HTR4: variants seen among roughly 807,000 people sequenced by gnomAD.
HTR4 encodes 5-hydroxytryptamine (serotonin) receptor 4, G protein-coupled.
Under a neutral mutation model 36.8 loss-of-function variants are expected in HTR4, and 16 were observed. The observed-to-expected ratio is 0.43, with a 90% CI of 0.29 to 0.66. The LOEUF (loss-of-function observed/expected upper bound fraction) is 0.66, where lower values mean the gene tolerates loss of function less well. Ranked by LOEUF, HTR4 falls within the 30% of genes least tolerant of loss-of-function variation. The pLI, the probability that HTR4 is intolerant of heterozygous loss-of-function variation, is 0.13. For missense variants in HTR4, 438 were observed against 490.9 expected (o/e 0.89, Z 1.02); for synonymous variants, 189 against 185.1 (o/e 1.02, Z -0.17).
intron 2 of HTR4, among the ~76,000 whole-genome samples, chr5:148,563,820 C>A (rs1164422120): frequency 1.3e-5 from 2 of 152,156 alleles, no homozygotes; most frequent in African/African-American, 4.8e-5. Context: ...AATACTACAT[C>A]ATTCTATATC....
chr5:148,536,978 G>A (rs1047336330), intron 4 of HTR4, among the ~76,000 whole-genome samples: 2 of 152,010 alleles, frequency 1.3e-5, no homozygotes, highest in African/African-American at 2.4e-5. Context: ...AATCAATCAC[G>A]TAATTGGACA....
chr5:148,534,759 G>A (rs1267014462), intron 4 of HTR4, among the ~76,000 whole-genome samples: 1 of 152,002 alleles, frequency 6.6e-6, no homozygotes, highest in East Asian at 1.9e-4. Context: ...TTCAGTCTGG[G>A]CTGACTGCAC....
chr5:148,582,260 A>T (rs1255613431), intron 2 of HTR4, among the ~76,000 whole-genome samples: 1 of 152,038 alleles, frequency 6.6e-6, no homozygotes, highest in East Asian at 1.9e-4. Flanking sequence ...AGGGTTTTAT[A>T]CATATAAGAT....
chr5:148,648,962 C>A (rs1338945067), intron 1 of HTR4, among the ~76,000 whole-genome samples: 1 of 152,052 alleles, frequency 6.6e-6, no homozygotes, highest in East Asian at 1.9e-4. Context: ...TCAATAAATC[C>A]TAATTTTTTG....
chr5:148,548,067 G>C (rs1329761991), intron 4 of HTR4, among the ~76,000 whole-genome samples: 1 of 152,106 alleles, frequency 6.6e-6, no homozygotes, highest in African/African-American at 2.4e-5. Flanking sequence ...AAAATCATTA[G>C]GTCCCCTGAA....
chr5:148,527,861 G>A lies in HTR4; in HGVS notation c.354-4515C>T, dbSNP rs140655761. On this transcript the variant is annotated intron_variant, in intron 4 of 6. Coordinates refer to ENST00000377888, the MANE Select transcript of HTR4 (RefSeq NM_000870.7). ...ATTCCTGGCCTCAAGTGATTCACCC[G>A]CCTTAGTCTCCCAAAGTGCTGTCAT... Among the ~76,000 whole-genome samples the A allele has an allele frequency of 1.5e-3, 232 of 152,200 alleles. 1 individual carries two copies. The highest frequency in any genetic ancestry group is 4.5e-3 in the African/African-American group (188 of 41,552).
chr5:148,530,903 T>A (rs375919709), intron 4 of HTR4, among the ~76,000 whole-genome samples: 1 of 152,246 alleles, frequency 6.6e-6, no homozygotes, highest in South Asian at 2.1e-4. Flanking sequence ...GGAGATCATT[T>A]TGGAGCTTTA....
At chr5:148,569,594 T>A (rs540328573) in intron 2 of HTR4, among the ~76,000 whole-genome samples, 1 of 151,552 alleles carries the variant, frequency 6.6e-6, no homozygotes, top group South Asian at 2.1e-4. Context: ...ATTATATTTA[T>A]CTTATTTATT....
intron 5 of HTR4, among the ~76,000 whole-genome samples, chr5:148,453,384 G>A (rs568525671): frequency 6.6e-6 from 1 of 152,324 alleles, no homozygotes; most frequent in Non-Finnish European, 1.5e-5. Flanking sequence ...TAATACTGCA[G>A]AGCATTCTTT....
intron 4 of HTR4, among the ~76,000 whole-genome samples, chr5:148,534,109 C>T (rs994822007): frequency 6.6e-6 from 1 of 152,150 alleles, no homozygotes; most frequent in Admixed American, 6.5e-5. Context: ...GCTTAAGCTG[C>T]TGAGTTTTGA....
At chr5:148,648,081 A>C (rs886433368) in intron 1 of HTR4, among the ~76,000 whole-genome samples, 1 of 152,216 alleles carries the variant, frequency 6.6e-6, no homozygotes, top group Non-Finnish European at 1.5e-5. Context: ...TAAAATGATA[A>C]TTATAGAATC....
chr5:148,636,713 A>G (rs1175127844), intron 2 of HTR4, among the ~76,000 whole-genome samples: 3 of 152,194 alleles, frequency 2.0e-5, no homozygotes, highest in African/African-American at 7.2e-5. Flanking sequence ...CTTTCTTCCT[A>G]TTACAGAGAT....
chr5:148,626,286 T>C (rs1427069731), intron 2 of HTR4, among the ~76,000 whole-genome samples: 1 of 152,238 alleles, frequency 6.6e-6, no homozygotes, highest in Non-Finnish European at 1.5e-5. Context: ...GGACAAGCCA[T>C]CAGAACATTC....
rs1230372213 is a variant in HTR4 at position 148,534,789 on chromosome 5, ATC to A, written c.354-11445_354-11444del. Among the ~76,000 whole-genome samples, 6 of 152,050 alleles carry A rather than the reference ATC, an allele frequency of 3.9e-5. No individual in the cohort carries two copies. In the East Asian group the frequency reaches 1.2e-3, roughly 29 times the overall value. ...CTGCACTGAGCAATTCCTGACCTCA[ATC>A]TCTCTGGGGTGGAGCCTCCAAGAGA... is the stretch of plus-strand genomic sequence containing the variant. On this transcript the variant is annotated intron_variant, in intron 4 of 6. Transcript: ENST00000377888.
At chr5:148,590,160 C>A in intron 2 of HTR4, among the ~76,000 whole-genome samples, 1 of 152,094 alleles carries the variant, frequency 6.6e-6, no homozygotes, top group Non-Finnish European at 1.5e-5. Flanking sequence ...TACCATAATG[C>A]CATACGAGAA....
chr5:148,532,360 C>A lies in HTR4; in HGVS notation c.354-9014G>T, dbSNP rs1262175560. 2.0e-5 allele frequency among the ~76,000 whole-genome samples: 3 copies of A among 152,320 alleles called. No homozygotes were observed. In the East Asian group the frequency reaches 5.8e-4, roughly 29 times the overall value. Reference sequence around the variant, plus strand: ...TGAGGACAGCAATGTTTGCCTTGTTCTGCTTTGTGTCCATGATGGCTAGTA... The same window carrying A: ...TGAGGACAGCAATGTTTGCCTTGTTATGCTTTGTGTCCATGATGGCTAGTA... On this transcript the variant is annotated intron_variant, in intron 4 of 6. Transcript: ENST00000377888.
intron 1 of HTR4, among the ~76,000 whole-genome samples, chr5:148,650,004 G>A (rs1753985923): frequency 6.6e-6 from 1 of 150,972 alleles, no homozygotes; most frequent in Non-Finnish European, 1.5e-5. Flanking sequence ...AGAAACTTTG[G>A]GAGTGAGGAC....
intron 5 of HTR4, among the ~76,000 whole-genome samples, chr5:148,467,521 G>T (rs1755458232): frequency 6.6e-6 from 1 of 152,094 alleles, no homozygotes; most frequent in South Asian, 2.1e-4. Flanking sequence ...TTCAGAAGAG[G>T]ATATAATGCT....
chr5:148,587,852 T>A (rs1348661424), intron 2 of HTR4, among the ~76,000 whole-genome samples: 1 of 152,138 alleles, frequency 6.6e-6, no homozygotes, highest in Non-Finnish European at 1.5e-5. Context: ...TAGGGGAAAG[T>A]CCTATTTAAA....
Sources: allele counts gnomAD v4.1 joint callset (sites outside exome capture counted in the v4.1 genomes callset), GRCh38; gene constraint gnomAD v4.1.1; transcripts MANE v1.5; gene names NCBI Gene and HGNC (gene_info 2026-07-23, HGNC 2026-07-21).